The following SNTG1 variants were observed in gnomAD, a reference collection of about 807,000 sequenced individuals.
SNTG1 encodes the protein gamma-1-syntrophin.
A neutral mutation model predicts 74.7 loss-of-function variants in SNTG1; 39 were observed. The observed-to-expected ratio is 0.52, with a 90% CI of 0.40 to 0.68. SNTG1 has a LOEUF of 0.68. Among genes scored for constraint, SNTG1 ranks in the 30% least tolerant of loss-of-function variants. The probability of loss-of-function intolerance (pLI) is 0.00; values close to 1 mark genes in which losing one functional copy is unlikely to be tolerated. For missense variants in SNTG1, 685 were observed against 609.5 expected (o/e 1.12, Z -1.30); for synonymous variants, 254 against 217.1 (o/e 1.17, Z -1.49).
chr8:50,096,148 A>C (rs2079918231), intron 1 of SNTG1, among the ~76,000 whole-genome samples: 1 of 152,204 alleles, frequency 6.6e-6, no homozygotes, highest in East Asian at 1.9e-4. Flanking sequence ...ATGGCTAAAA[A>C]CTGGCAAATC....
chr8:50,440,550 T>C (rs2093349089), intron 5 of SNTG1, among the ~76,000 whole-genome samples: 1 of 152,212 alleles, frequency 6.6e-6, no homozygotes, highest in East Asian at 1.9e-4. Context: ...TTTAAAAATA[T>C]CATTCTAGGC....
chr8:50,173,571 T>C (rs758440858), intron 2 of SNTG1, among the ~76,000 whole-genome samples: 6 of 152,210 alleles, frequency 3.9e-5, no homozygotes, highest in Non-Finnish European at 8.8e-5. Context: ...ACCATGAAAC[T>C]TTATAACTTT....
At chr8:50,391,531 T>C (rs1305669997) in intron 2 of SNTG1, among the ~76,000 whole-genome samples, 1 of 152,204 alleles carries the variant, frequency 6.6e-6, no homozygotes, top group Non-Finnish European at 1.5e-5. Flanking sequence ...TCTAAAATTC[T>C]CTTTTTTTGT....
intron 17 of SNTG1, among the ~76,000 whole-genome samples, chr8:50,732,375 A>ATT (rs35353091): frequency 6.6e-6 from 1 of 151,694 alleles, no homozygotes; most frequent in African/African-American, 2.4e-5. Flanking sequence ...TTTGGCAGAC[A>ATT]TTTTTTCTCT....
chr8:50,368,625 G>C (rs939126533), intron 2 of SNTG1, among the ~76,000 whole-genome samples: 1 of 152,074 alleles, frequency 6.6e-6, no homozygotes. Flanking sequence ...GAAGAGGATA[G>C]GGGGAGCAGG....
chr8:50,418,024 T>C (rs1422266729), intron 4 of SNTG1, among the ~76,000 whole-genome samples: 1 of 152,100 alleles, frequency 6.6e-6, no homozygotes, highest in African/African-American at 2.4e-5. Context: ...ATTCTGATCA[T>C]TCCAACCAAG....
chr8:50,735,687 G>A (rs531383625), intron 17 of SNTG1, among the ~76,000 whole-genome samples: 1 of 152,014 alleles, frequency 6.6e-6, no homozygotes, highest in South Asian at 2.1e-4. Flanking sequence ...GAATCAAGTT[G>A]GAAACACTCT....
At chr8:50,645,360 T>C (rs1025748971) in intron 13 of SNTG1, among the ~76,000 whole-genome samples, 1 of 152,132 alleles carries the variant, frequency 6.6e-6, no homozygotes, top group Non-Finnish European at 1.5e-5. Context: ...TTATATAATT[T>C]CCTAACTAGC....
intron 1 of SNTG1, among the ~76,000 whole-genome samples, chr8:49,930,233 C>T (rs767948537): frequency 6.9e-6 from 1 of 144,592 alleles, no homozygotes; most frequent in Non-Finnish European, 1.5e-5. Context: ...AAAGACAATA[C>T]ATAAAATAGA....
chr8:50,656,368 G>C (rs1426329326), intron 13 of SNTG1, among the ~76,000 whole-genome samples: 1 of 152,078 alleles, frequency 6.6e-6, no homozygotes, highest in East Asian at 1.9e-4. Context: ...GAATACACTA[G>C]CATAAATTGT....
chr8:49,982,646 G>A (rs1246302857), intron 1 of SNTG1, among the ~76,000 whole-genome samples: 18 of 149,242 alleles, frequency 1.2e-4, no homozygotes, highest in Admixed American at 1.1e-3. Context: ...GTGTGTGTGT[G>A]TGTGTGTGTG....
At chr8:50,236,672 G>T (rs527738210) in intron 2 of SNTG1, among the ~76,000 whole-genome samples, 5 of 151,938 alleles carry the variant, frequency 3.3e-5, no homozygotes, top group Admixed American at 1.3e-4. Context: ...GGATGGTCTC[G>T]ATCTCCTGAC....
intron 13 of SNTG1, among the ~76,000 whole-genome samples, chr8:50,642,405 A>G (rs1313727064): frequency 1.3e-5 from 2 of 152,084 alleles, no homozygotes; most frequent in African/African-American, 2.4e-5. Flanking sequence ...AAACCCTCCA[A>G]TGGCTTGCAG....
intron 5 of SNTG1, among the ~76,000 whole-genome samples, chr8:50,446,276 A>G (rs1296789055): frequency 6.6e-6 from 1 of 151,640 alleles, no homozygotes; most frequent in Non-Finnish European, 1.5e-5. Flanking sequence ...TTGAGTTCCA[A>G]TTTTATCTTC....
intron 1 of SNTG1, among the ~76,000 whole-genome samples, chr8:50,109,775 C>T (rs969805194): frequency 5.3e-5 from 8 of 152,080 alleles, no homozygotes; most frequent in African/African-American, 1.9e-4. Context: ...AGAGAGTTTA[C>T]ATAGAGAGAC....
chr8:50,099,477 G>A lies in SNTG1; in HGVS notation c.-102-73084G>A, dbSNP rs570247593. Among the ~76,000 whole-genome samples, 3 of 152,128 alleles carry A rather than the reference G, an allele frequency of 2.0e-5. No individual in the cohort carries two copies. In the East Asian group the frequency reaches 5.8e-4, roughly 29 times the overall value. ...AACGTGGGGATGCAAGTGTCTCTTT[G>A]ATAAAATTTCCTTTCTTTTGGATAG... On this transcript the variant is annotated intron_variant, in intron 1 of 18. Transcript: ENST00000642720.
intron 1 of SNTG1, among the ~76,000 whole-genome samples, chr8:49,980,079 G>A (rs1460079789): frequency 6.6e-6 from 1 of 152,128 alleles, no homozygotes; most frequent in Non-Finnish European, 1.5e-5. Context: ...CCACACAGCA[G>A]GTATGTCCAC....
chr8:50,532,131 T>C (rs1425803236), intron 10 of SNTG1, among the ~76,000 whole-genome samples: 2 of 152,200 alleles, frequency 1.3e-5, no homozygotes, highest in Non-Finnish European at 2.9e-5. Flanking sequence ...CACATTTTAT[T>C]TTCCTTTTAG....
intron 13 of SNTG1, among the ~76,000 whole-genome samples, chr8:50,607,447 G>A (rs13262667): frequency 0.6 from 91,379 of 151,408 alleles, 30,128 homozygotes; most frequent in East Asian, 0.78. Flanking sequence ...GGTATTTTGT[G>A]TCTTTCTAGG....
Sources: allele counts gnomAD v4.1 joint callset (sites outside exome capture counted in the v4.1 genomes callset), GRCh38; gene constraint gnomAD v4.1.1; transcripts MANE v1.5; gene names NCBI Gene and HGNC (gene_info 2026-07-23, HGNC 2026-07-21).